The following CENPP variants were observed in gnomAD, a reference collection of about 807,000 sequenced individuals.
The protein encoded by CENPP is centromere protein P.
Under a neutral mutation model 35.6 loss-of-function variants are expected in CENPP, and 24 were observed. That is an observed-to-expected ratio of 0.67 (90% confidence interval 0.49 to 0.95). The LOEUF (loss-of-function observed/expected upper bound fraction) is 0.95, where lower values mean the gene tolerates loss of function less well. Ranked by LOEUF, CENPP falls within the 40% of genes least tolerant of loss-of-function variation. CENPP has a pLI of 0.00. For synonymous variants in CENPP, 120 were observed against 125.5 expected, an observed-to-expected ratio of 0.96 and a Z score of 0.29; for missense variants, 332 against 345.3, an observed-to-expected ratio of 0.96 and a Z score of 0.31.
At chr9:92,589,737 C>T (rs1457441443) in intron 5 of CENPP, among the ~76,000 whole-genome samples, 5 of 152,168 alleles carry the variant, frequency 3.3e-5, no homozygotes, top group East Asian at 3.8e-4. Context: ...AAGCATTATA[C>T]AGACCTATTT....
chr9:92,362,916 AT>A (rs781203338), intron 4 of CENPP, among the ~76,000 whole-genome samples: 6 of 152,022 alleles, frequency 3.9e-5, no homozygotes, highest in Non-Finnish European at 7.4e-5. Flanking sequence ...TCTTAATCTT[AT>A]TTTGGTGCTC....
chr9:92,618,016 G>T lies in CENPP; in HGVS notation c.*4867G>T. The T allele has an allele frequency of 5.7e-6, 2 of 348,246 alleles. No individual in the cohort carries two copies. Among genetic ancestry groups the T allele is most frequent in the Non-Finnish European group, 1.1e-5 (2 of 175,472 alleles). The allele number at this position is 348,246 out of a possible 1,614,324, so 21.6% of individuals were successfully genotyped here. The stretch of plus-strand genomic sequence containing the variant: ...CTAAATTTAGTCTCAGGTCTACCAG[G>T]TATCTCAAGACGCCAAGATGACTCA... On this transcript the variant is annotated 3_prime_UTR_variant, in exon 8 of 8. Coordinates refer to ENST00000375587, the MANE Select transcript of CENPP (RefSeq NM_001012267.3).
intron 4 of CENPP, among the ~76,000 whole-genome samples, chr9:92,349,916 G>C (rs1290865934): frequency 6.6e-6 from 1 of 151,868 alleles, no homozygotes; most frequent in Non-Finnish European, 1.5e-5. Context: ...TTTTCTCTAG[G>C]GTACATAACC....
intron 5 of CENPP, among the ~76,000 whole-genome samples, chr9:92,609,684 C>T (rs1851182084): frequency 1.3e-5 from 2 of 152,246 alleles, no homozygotes; most frequent in Admixed American, 1.3e-4. Flanking sequence ...TCCTGTCACC[C>T]CTGACCCTGC....
intron 5 of CENPP, among the ~76,000 whole-genome samples, chr9:92,557,953 A>G (rs1027321855): frequency 1.4e-4 from 21 of 152,112 alleles, no homozygotes; most frequent in African/African-American, 4.8e-4. Flanking sequence ...TGCATTTCGC[A>G]TTTCTAAAAG....
chr9:92,590,707 T>C (rs1214511074), intron 5 of CENPP, among the ~76,000 whole-genome samples: 2 of 152,268 alleles, frequency 1.3e-5, no homozygotes, highest in Non-Finnish European at 2.9e-5. Context: ...TGGTCAGCTT[T>C]GGCTTCTGGA....
chr9:92,582,187 G>C (rs1039909210), intron 5 of CENPP, among the ~76,000 whole-genome samples: 1 of 152,112 alleles, frequency 6.6e-6, no homozygotes, highest in African/African-American at 2.4e-5. Flanking sequence ...CCAAGTAGCT[G>C]AGACTACAGG....
At chr9:92,427,446 A>G (rs1843996358) in intron 5 of CENPP, among the ~76,000 whole-genome samples, 2 of 151,760 alleles carry the variant, frequency 1.3e-5, no homozygotes, top group South Asian at 4.2e-4. Flanking sequence ...TACAGGCATG[A>G]GCCACCGCAG....
chr9:92,368,894 A>T (rs1243540374), intron 4 of CENPP, among the ~76,000 whole-genome samples: 2 of 151,998 alleles, frequency 1.3e-5, no homozygotes, highest in Admixed American at 6.6e-5. Flanking sequence ...AAATTGAAAA[A>T]CATTTTCCAG....
chr9:92,589,818 A>G (rs965590491), intron 5 of CENPP, among the ~76,000 whole-genome samples: 2 of 152,226 alleles, frequency 1.3e-5, no homozygotes, highest in Non-Finnish European at 2.9e-5. Context: ...TTTTTAAACT[A>G]CTTTATCTTA....
At chr9:92,350,773 G>A (rs749930687) in intron 4 of CENPP, among the ~76,000 whole-genome samples, 1 of 152,094 alleles carries the variant, frequency 6.6e-6, no homozygotes, top group Non-Finnish European at 1.5e-5. Flanking sequence ...TAAACTACAT[G>A]CTTATGCAGC....
chr9:92,573,868 G>A (rs977998607), intron 5 of CENPP, among the ~76,000 whole-genome samples: 7 of 152,226 alleles, frequency 4.6e-5, no homozygotes, highest in East Asian at 1.9e-4. Context: ...AGCAGTGAGC[G>A]AGGCTTCGTG....
At chr9:92,417,658 T>A (rs757317489) in intron 5 of CENPP, 4 of 751,938 alleles carry the variant, frequency 5.3e-6, no homozygotes, top group Admixed American at 2.9e-5. Context: ...TTATATGAAA[T>A]GTATTATACC....
intron 5 of CENPP, among the ~76,000 whole-genome samples, chr9:92,400,385 G>A (rs1207355132): frequency 2.6e-5 from 4 of 151,984 alleles, no homozygotes; most frequent in Admixed American, 1.3e-4. Context: ...TCCTGACCTC[G>A]TGATCCACCC....
At chr9:92,340,052 C>T (rs1206594469) in intron 3 of CENPP, 1 of 153,798 alleles carries the variant, frequency 6.5e-6, no homozygotes, top group African/African-American at 2.4e-5. Flanking sequence ...TCTCCGAAAA[C>T]ATCTGCACTC....
chr9:92,490,654 A>G (rs558952382), intron 5 of CENPP, among the ~76,000 whole-genome samples: 16 of 152,344 alleles, frequency 1.1e-4, no homozygotes, highest in Non-Finnish European at 1.8e-4. Flanking sequence ...TTAGGAACAT[A>G]GTAATTTATG....
intron 5 of CENPP, among the ~76,000 whole-genome samples, chr9:92,540,100 T>G (rs1471389170): frequency 5.9e-5 from 9 of 152,206 alleles, no homozygotes; most frequent in African/African-American, 2.2e-4. Context: ...GTTTTCTATA[T>G]CCAATACTGA....
intron 2 of CENPP, among the ~76,000 whole-genome samples, chr9:92,336,113 G>A (rs1324289860): frequency 2.0e-5 from 3 of 152,000 alleles, no homozygotes; most frequent in Non-Finnish European, 2.9e-5. Context: ...TGTCTCTTAC[G>A]ACATAGACAT....
intron 5 of CENPP, among the ~76,000 whole-genome samples, chr9:92,524,212 G>C (rs1440280292): frequency 6.6e-6 from 1 of 152,162 alleles, no homozygotes; most frequent in Non-Finnish European, 1.5e-5. Context: ...GGGCGTGATG[G>C]TGCCATATAA....
Sources: gnomAD v4.1 joint callset for allele counts (sites outside exome capture counted in the v4.1 genomes callset) on GRCh38, gnomAD v4.1.1 for gene constraint, MANE v1.5 for transcripts, NCBI Gene and HGNC (gene_info 2026-07-23, HGNC 2026-07-21) for gene names.